ZDHHC11: variants seen among roughly 807,000 people sequenced by gnomAD.
ZDHHC11 encodes palmitoyltransferase ZDHHC11.
ZDHHC11 carries 44 observed loss-of-function variants against 51.3 expected under a neutral mutation model. That is an observed-to-expected ratio of 0.86 (90% confidence interval 0.67 to 1.10). The LOEUF (loss-of-function observed/expected upper bound fraction) is 1.10. Ranked by LOEUF, ZDHHC11 falls within the 50% of genes least tolerant of loss-of-function variation. The pLI is 0.00. For synonymous variants in ZDHHC11, 163 were observed against 222.0 expected (o/e 0.73, Z 2.36); for missense variants, 400 against 537.7 (o/e 0.74, Z 2.53).
chr5:847,786 G>A lies in ZDHHC11; in HGVS notation c.402-171C>T, dbSNP rs1746490657. On this transcript the variant is annotated intron_variant, in intron 2 of 12. Transcript: ENST00000283441. ...CTGGGGGAGGGTGTTGAGGCCTGTG[G>A]GGAGGAGGAGAAGCAGGGCAGCTGT... The A allele has an allele frequency of 7.2e-5, 41 of 567,722 alleles. No homozygotes were observed. In the South Asian group the frequency reaches 7.9e-4, roughly 11 times the overall value. The allele number at this position is 567,722 out of a possible 1,614,324, so 35.2% of individuals were successfully genotyped here. A position where few individuals can be genotyped will look rare whatever the true frequency, so the allele number is the denominator to read the frequency against.
chr5:850,911 T>G lies in ZDHHC11; in HGVS notation c.-309A>C. On this transcript the variant is annotated 5_prime_UTR_variant, in exon 1 of 13. Transcript: ENST00000283441. ...CAGTGCCCGCGCGACCGCCCATCAG[T>G]TCCCCTGAGGATTTGTTACGTTCTG... 7 of 431,154 alleles carry G rather than the reference T, an allele frequency of 1.6e-5. No homozygotes were observed. The highest frequency in any genetic ancestry group is 3.7e-5 in the East Asian group (1 of 26,838). 26.7% of individuals were successfully genotyped at this position (431,154 alleles called of 1,614,324 possible).
In ZDHHC11 at chr5:844,720, C is replaced by T. The variant is rs1349001927; in HGVS notation, c.504-996G>A. On this transcript the variant is annotated intron_variant, in intron 3 of 12. Transcript: ENST00000283441. Reference sequence around the variant, plus strand: ...CGGGCTGAGGAGGCCCTGGAGGAGCCCGGCCACACCTCGGCTGCAGTCCCC... The same window carrying T: ...CGGGCTGAGGAGGCCCTGGAGGAGCTCGGCCACACCTCGGCTGCAGTCCCC... Among the ~76,000 whole-genome samples the T allele has an allele frequency of 9.9e-5, 15 of 152,274 alleles. No homozygotes were observed. In the South Asian group the frequency reaches 1.0e-3, roughly 11 times the overall value.
chr5:829,735 C>A (rs1742830280), intron 7 of ZDHHC11, among the ~76,000 whole-genome samples: 1 of 151,496 alleles, frequency 6.6e-6, no homozygotes, highest in South Asian at 2.1e-4. Flanking sequence ...ATGCAAAAAT[C>A]CTCAACAAAA....
At chr5:853,088 G>A (rs372590920), upstream of ZDHHC11, among the ~76,000 whole-genome samples, 23 of 138,082 alleles carry the variant, frequency 1.7e-4, no homozygotes, top group South Asian at 1.2e-3. Context: ...GGAGGACAGC[G>A]AGCCAGGGGA....
At chr5:853,458 C>A (rs1162064043), upstream of ZDHHC11, among the ~76,000 whole-genome samples, 6 of 149,994 alleles carry the variant, frequency 4.0e-5, no homozygotes, top group South Asian at 2.1e-4. Context: ...GGGGCACAGA[C>A]CCCACAGAGG....
At chr5:856,365 C>T (rs1005754491) in intron 1 of ZDHHC11, among the ~76,000 whole-genome samples, 3 of 151,004 alleles carry the variant, frequency 2.0e-5, no homozygotes, top group Admixed American at 6.6e-5. Context: ...ATATATCATA[C>T]AACACAGACC....
chr5:800,147 G>A (rs970961750), intron 12 of ZDHHC11, among the ~76,000 whole-genome samples: 2 of 151,122 alleles, frequency 1.3e-5, no homozygotes, highest in African/African-American at 2.4e-5. Flanking sequence ...CCTTCCTCAG[G>A]GCTCTATGGC....
At chr5:851,361 CGTG>C (rs1209590708), upstream of ZDHHC11, among the ~76,000 whole-genome samples, 1 of 139,634 alleles carries the variant, frequency 7.2e-6, no homozygotes, top group Non-Finnish European at 1.5e-5. Flanking sequence ...GTGGGAGGGA[CGTG>C]GTGTCACAGA....
Position 850,746 on chromosome 5 carries a change from C to CA in ZDHHC11, c.-145_-144insT. 1 of 1,006,730 alleles carries CA rather than the reference C, an allele frequency of 9.9e-7. No individual in the cohort carries two copies. Among genetic ancestry groups the CA allele is most frequent in the Admixed American group, 2.6e-5 (1 of 38,952 alleles). 62.4% of individuals were successfully genotyped at this position (1,006,730 alleles called of 1,614,324 possible). A position where few individuals can be genotyped will look rare whatever the true frequency, so the allele number is the denominator to read the frequency against. On this transcript the variant is annotated 5_prime_UTR_variant, in exon 1 of 13. It removes the in-frame stop codon of an upstream open reading frame in the 5' UTR. Transcript: ENST00000283441. ...AATGGCCCAGCACTGCCTGGGGCCA[C>CA]GTTCCCCGCAGAGGGAGCAGGGGCT...
intron 5 of ZDHHC11, 176 bp downstream of exon 5, chr5:840,319 C>T: frequency 1.0e-6 from 1 of 953,464 alleles, no homozygotes; most frequent in Non-Finnish European, 1.6e-6. Context: ...CCTTTTTGTC[C>T]ATGATCTCAC....
upstream of ZDHHC11, among the ~76,000 whole-genome samples, chr5:853,459 C>A (rs2150494450): frequency 1.3e-5 from 2 of 149,962 alleles, no homozygotes; most frequent in South Asian, 4.3e-4. Flanking sequence ...GGGCACAGAC[C>A]CCACAGAGGA....
chr5:846,569 T>A (rs1746202707), intron 3 of ZDHHC11, among the ~76,000 whole-genome samples: 1 of 145,978 alleles, frequency 6.9e-6, no homozygotes. Context: ...TCCACCGTGC[T>A]CAGGGGAAAC....
chr5:834,848 C>T (rs1743609224), intron 6 of ZDHHC11, among the ~76,000 whole-genome samples: 1 of 151,920 alleles, frequency 6.6e-6, no homozygotes, highest in African/African-American at 2.4e-5. Context: ...TTGCACACGT[C>T]ATGTAAACGT....
intron 11 of ZDHHC11, among the ~76,000 whole-genome samples, chr5:802,964 TG>T (rs754696452): frequency 7.0e-6 from 1 of 142,342 alleles, no homozygotes. Context: ...GAGCTTGCAG[TG>T]AGCAGAGATT....
rs547911993 is a variant in ZDHHC11 at position 820,002 on chromosome 5, G to C, written c.1059-390C>G. Among the ~76,000 whole-genome samples the C allele has an allele frequency of 2.2e-4, 33 of 151,302 alleles. 3 individuals are homozygous for C. In the South Asian group the frequency reaches 6.3e-3, roughly 29 times the overall value. ...ATACATGTCACAGGGGTGTCAGGTG[G>C]GTCAGGTGACCTTCATTTTTACCTG... On this transcript the variant is annotated intron_variant, in intron 9 of 12. Transcript: ENST00000283441.
At chr5:829,102 A>G (rs2150356230) in intron 7 of ZDHHC11, among the ~76,000 whole-genome samples, 1 of 136,794 alleles carries the variant, frequency 7.3e-6, no homozygotes, top group Non-Finnish European at 1.6e-5. Flanking sequence ...GAGAAACAAG[A>G]ACGAATCAAA....
At chr5:833,428 T>A (rs1212978639) in intron 7 of ZDHHC11, among the ~76,000 whole-genome samples, 27 of 151,942 alleles carry the variant, frequency 1.8e-4, no homozygotes, top group African/African-American at 6.5e-4. Flanking sequence ...TATGAAACAC[T>A]ATTAGAGATC....
At chr5:854,734 C>T (rs1410194600), upstream of ZDHHC11, among the ~76,000 whole-genome samples, 13 of 99,776 alleles carry the variant, frequency 1.3e-4, no homozygotes, top group East Asian at 2.4e-3. Context: ...AGTGAGCAGC[C>T]GGGACAGACC....
chr5:850,382 A>C lies in ZDHHC11; in HGVS notation c.221T>G (p.Val74Gly). 3.1e-6 allele frequency: 5 copies of C among 1,613,508 alleles called. No individual in the cohort carries two copies. The highest frequency in any genetic ancestry group is 4.2e-6 in the Non-Finnish European group (5 of 1,179,974). The part of the protein sequence containing the change: ...LPHAWKYIAY[V>G]VTGGIFSFHL... The stretch of plus-strand genomic sequence containing the variant: ...ACCATGCCACGATGAAAAGGATACC[A>C]CGTAGGCAATGTATTTCCACGCGTG... Residue 74 changes from valine (V) to glycine (G), a missense_variant and splice_region_variant, in exon 1 of 13, where the codon GTG (valine) becomes GGG (glycine). By Grantham distance (109) the Val-to-Gly change is moderately radical. Transcript: ENST00000283441.
Sources: gnomAD v4.1 joint callset for allele counts (sites outside exome capture counted in the v4.1 genomes callset) on GRCh38, gnomAD v4.1.1 for gene constraint, MANE v1.5 for transcripts, NCBI Gene and HGNC (gene_info 2026-07-23, HGNC 2026-07-21) for gene names.